The following PCDH11X variants were observed in gnomAD, a reference collection of about 807,000 sequenced individuals.
PCDH11X encodes protocadherin-11 X-linked.
PCDH11X carries 18 observed loss-of-function variants against 53.3 expected under a neutral mutation model. The observed-to-expected ratio is 0.34, with a 90% CI of 0.23 to 0.50. The LOEUF (loss-of-function observed/expected upper bound fraction) is 0.50. PCDH11X is among the 20% of genes least tolerant of loss of function. The probability of loss-of-function intolerance (pLI) is 0.98; values close to 1 mark genes in which losing one functional copy is unlikely to be tolerated. For missense variants in PCDH11X, 570 were observed against 1,032.4 expected, an observed-to-expected ratio of 0.55 and a Z score of 6.14; for synonymous variants, 279 against 393.3, an observed-to-expected ratio of 0.71 and a Z score of 3.44.
At chrX:92,396,840 G>GAT (rs2071258700) in intron 9 of PCDH11X, among the ~76,000 whole-genome samples, 1 of 26,822 alleles carries the variant, frequency 3.7e-5, no homozygotes, top group Non-Finnish European at 6.1e-5. Context: ...GAGGGACTCT[G>GAT]TCTCAAAAAA....
chrX:92,147,865 C>CTTT (rs2065312829), intron 6 of PCDH11X, among the ~76,000 whole-genome samples: 1 of 24,809 alleles, frequency 4.0e-5, no homozygotes, highest in Non-Finnish European at 8.0e-5. Flanking sequence ...TTTCTTTTCT[C>CTTT]TCTTTCCTTT....
intron 6 of PCDH11X, among the ~76,000 whole-genome samples, chrX:91,993,276 T>C (rs1391577708): frequency 1.8e-5 from 2 of 112,930 alleles, no homozygotes; most frequent in Non-Finnish European, 3.7e-5. Flanking sequence ...GCAAAATCTG[T>C]GTTCTCATTA....
At chrX:92,480,136 T>C (rs1385606882) in intron 10 of PCDH11X, among the ~76,000 whole-genome samples, 1 of 111,853 alleles carries the variant, frequency 8.9e-6, no homozygotes, top group Admixed American at 9.5e-5. Flanking sequence ...GCTTGGTCAA[T>C]TCTGCTATTA....
At chrX:92,606,029 C>A (rs1191469697) in intron 10 of PCDH11X, among the ~76,000 whole-genome samples, 6 of 109,310 alleles carry the variant, frequency 5.5e-5, no homozygotes, top group African/African-American at 3.3e-5. Flanking sequence ...GTTGGGAGTT[C>A]GAGACCACCC....
At chrX:91,809,779 C>A (rs1936238720) in intron 2 of PCDH11X, among the ~76,000 whole-genome samples, 145 bp downstream of exon 2, 2 of 109,448 alleles carry the variant, frequency 1.8e-5, no homozygotes, top group South Asian at 3.9e-4. Context: ...TTTATCATTG[C>A]AGAAAGTTCT....
Position 92,618,773 on chromosome X carries a change from G to C in PCDH11X, c.3877G>C (p.Asp1293His). Residue 1293 changes from aspartate (D) to histidine (H), a missense_variant, in exon 11 of 11, where the codon GAT (aspartate) becomes CAT (histidine). Asp to His is a moderately conservative substitution (Grantham distance 81, BLOSUM62 -1). Around this residue, in one of 6 missense-constraint regions of PCDH11X, gnomAD observed 234 missense variants for 296.1 expected, o/e 0.79. Coordinates refer to ENST00000682573, the MANE Select transcript of PCDH11X (RefSeq NM_032968.5). ...AGGTGCTGATGGGCTATGCTCTGTTGATCAGGGAGTGCAAGGTAGTGCAAC... is the reference window on the plus strand; with the variant it reads ...AGGTGCTGATGGGCTATGCTCTGTTCATCAGGGAGTGCAAGGTAGTGCAAC... Reference protein sequence around the residue: ...VQGADGLCSVDQGVQGSATSQ... With the variant: ...VQGADGLCSVHQGVQGSATSQ... The C allele has an allele frequency of 8.3e-7, 1 of 1,211,822 alleles. No individual in the cohort carries two copies. The highest frequency in any genetic ancestry group is 1.1e-6 in the Non-Finnish European group (1 of 895,507).
At chrX:91,939,779 A>G (rs1433557185) in intron 6 of PCDH11X, among the ~76,000 whole-genome samples, 1 of 111,020 alleles carries the variant, frequency 9.0e-6, no homozygotes, top group Non-Finnish European at 1.9e-5. Flanking sequence ...GGCAAAATAA[A>G]GATATTTCCA....
chrX:91,901,339 C>T (rs1432397138), intron 6 of PCDH11X, among the ~76,000 whole-genome samples: 1 of 110,485 alleles, frequency 9.1e-6, no homozygotes, highest in Non-Finnish European at 1.9e-5. Flanking sequence ...GCAATTTGCT[C>T]AAGCTCAGGT....
At position 91,908,591 on chromosome X, in the gene PCDH11X, G is replaced by A. The variant is rs1213973890; in HGVS notation, c.3033+29318G>A. On this transcript the variant is annotated intron_variant, in intron 6 of 10. Coordinates refer to ENST00000682573, the MANE Select transcript of PCDH11X (RefSeq NM_032968.5). ...GGCCGAGGCAGGTGGATCAACTGAGGTCAGGAGTTTGAGACCAGACTGGCC... is the reference window on the plus strand; with the variant it reads ...GGCCGAGGCAGGTGGATCAACTGAGATCAGGAGTTTGAGACCAGACTGGCC... Among the ~76,000 whole-genome samples, 6 of 110,336 alleles carry A rather than the reference G, an allele frequency of 5.4e-5. No homozygotes were observed. In the Admixed American group the frequency reaches 5.8e-4, roughly 11 times the overall value.
intron 4 of PCDH11X, among the ~76,000 whole-genome samples, chrX:91,818,226 C>A (rs1294200757): frequency 9.0e-6 from 1 of 110,820 alleles, no homozygotes; most frequent in Non-Finnish European, 1.9e-5. Flanking sequence ...GTAATAGGAG[C>A]CTCTAGTACC....
Position 92,043,109 on chromosome X carries a change from ATG to A in PCDH11X, c.3034-158262_3034-158261del, listed in dbSNP as rs747855264. ...AGATGATACTTGTTCATTAATATTT[ATG>A]TGTTTTAAAAGTGAGGGAGAATATT... On this transcript the variant is annotated intron_variant, in intron 6 of 10. Transcript: ENST00000682573. 6.9e-4 allele frequency among the ~76,000 whole-genome samples: 74 copies of A among 107,889 alleles called. 1 individual carries two copies. The East Asian group carries it at 0.02, about 28-fold the overall frequency. 93.7% of individuals were successfully genotyped at this position (107,889 alleles called of 115,157 possible).
intron 9 of PCDH11X, among the ~76,000 whole-genome samples, chrX:92,462,076 A>G (rs148927642): frequency 0.026 from 2,855 of 111,694 alleles, 73 homozygotes; most frequent in East Asian, 0.088. Flanking sequence ...CAGGTTGGTG[A>G]AAATGTGAAG....
At chrX:92,436,448 A>G (rs1362793257) in intron 9 of PCDH11X, among the ~76,000 whole-genome samples, 1 of 112,036 alleles carries the variant, frequency 8.9e-6, no homozygotes, top group Non-Finnish European at 1.9e-5. Flanking sequence ...CAGAACTACT[A>G]TTTAACGCAG....
intron 10 of PCDH11X, among the ~76,000 whole-genome samples, chrX:92,480,809 G>T (rs1246530736): frequency 8.9e-6 from 1 of 111,761 alleles, no homozygotes; most frequent in Non-Finnish European, 1.9e-5. Flanking sequence ...AGTGGCAGTG[G>T]GATCTGTCCT....
intron 7 of PCDH11X, among the ~76,000 whole-genome samples, chrX:92,241,446 G>T (rs755798136): frequency 5.4e-5 from 6 of 111,954 alleles, no homozygotes; most frequent in Non-Finnish European, 7.5e-5. Flanking sequence ...CACATGAAAG[G>T]TATGCTGCAA....
chrX:92,234,288 G>A (rs2067132473), intron 7 of PCDH11X, among the ~76,000 whole-genome samples: 2 of 111,799 alleles, frequency 1.8e-5, no homozygotes, highest in Admixed American at 9.5e-5. Context: ...CAGATAAAAT[G>A]ATAATTATAG....
At chrX:91,927,416 G>C (rs1450778825) in intron 6 of PCDH11X, among the ~76,000 whole-genome samples, 1 of 109,647 alleles carries the variant, frequency 9.1e-6, no homozygotes, top group Non-Finnish European at 1.9e-5. Context: ...GAAGACTGAA[G>C]AACAGAGCAT....
chrX:91,992,109 A>AT (rs775549881), intron 6 of PCDH11X, among the ~76,000 whole-genome samples: 8 of 101,444 alleles, frequency 7.9e-5, no homozygotes, highest in South Asian at 4.5e-4. Context: ...TCTGCTCCTT[A>AT]TTTTTTTTTT....
chrX:92,315,835 C>T (rs911478581), intron 8 of PCDH11X, among the ~76,000 whole-genome samples: 9 of 109,535 alleles, frequency 8.2e-5, no homozygotes, highest in African/African-American at 1.0e-4. Context: ...CACCCCTGGC[C>T]TGAATTATTT....
Sources: allele counts gnomAD v4.1 joint callset (sites outside exome capture counted in the v4.1 genomes callset), GRCh38; gene constraint gnomAD v4.1.1; regional missense constraint gnomAD v4.1.1; transcripts MANE v1.5; gene names NCBI Gene and HGNC (gene_info 2026-07-23, HGNC 2026-07-21).